Variants in LYRM4 observed in about 807,000 individuals in gnomAD.
LYRM4 encodes LYR motif containing 4.
In LYRM4, 9 loss-of-function variants were observed where a neutral mutation model predicts 11.7. The ratio of observed to expected loss-of-function variants is 0.77; its 90% CI spans 0.46 to 1.34. LYRM4 has a LOEUF of 1.34. LYRM4 is among the 40% of genes most tolerant of loss of function. LYRM4 has a pLI of 0.00. For synonymous variants in LYRM4, 42 were observed against 40.4 expected (o/e 1.04, Z -0.15); for missense variants, 133 against 112.5 (o/e 1.18, Z -0.82).
rs937729460 is a variant in LYRM4 at position 5,109,189 on chromosome 6, A to T, written c.*234T>A. ...GTGCAGGGGAGACGTGGTAACACACAGCACTATTCTGAACGAACTCCAGCT... is the reference window on the plus strand; with the variant it reads ...GTGCAGGGGAGACGTGGTAACACACTGCACTATTCTGAACGAACTCCAGCT... On this transcript the variant is annotated 3_prime_UTR_variant, in exon 3 of 3. Coordinates refer to ENST00000330636, the MANE Select transcript of LYRM4 (RefSeq NM_020408.6). 1.4e-6 allele frequency: 2 copies of T among 1,383,302 alleles called. No individual in the cohort carries two copies. The highest frequency in any genetic ancestry group is 1.9e-6 in the Non-Finnish European group (2 of 1,067,100). 85.7% of individuals were successfully genotyped at this position (1,383,302 alleles called of 1,614,324 possible). A position where few individuals can be genotyped will look rare whatever the true frequency, so the allele number is the denominator to read the frequency against.
chr6:5,144,030 A>G, intron 2 of LYRM4: 1 of 1,318,428 alleles, frequency 7.6e-7, no homozygotes, highest in Non-Finnish European at 1.0e-6. Context: ...AGCCCCTGAC[A>G]TCAAATTGCT....
chr6:5,230,218 C>G (rs572368224), intron 1 of LYRM4, among the ~76,000 whole-genome samples: 1 of 152,314 alleles, frequency 6.6e-6, no homozygotes, highest in South Asian at 2.1e-4. Flanking sequence ...ACAGTTCCCT[C>G]TTGACATGCT....
chr6:5,148,232 T>C (rs1393079224), intron 2 of LYRM4: 2 of 152,870 alleles, frequency 1.3e-5, no homozygotes, highest in African/African-American at 4.8e-5. Flanking sequence ...TCCCAGACCG[T>C]TTGAGGCACT....
downstream of LYRM4, chr6:5,102,599 T>G (rs777075240): frequency 2.0e-5 from 3 of 152,248 alleles, no homozygotes; most frequent in Non-Finnish European, 4.4e-5. Context: ...ACCATTGGAC[T>G]AAGAAAGCTT....
chr6:5,117,829 G>A (rs1489201779), intron 2 of LYRM4, among the ~76,000 whole-genome samples: 2 of 151,980 alleles, frequency 1.3e-5, no homozygotes, highest in Non-Finnish European at 2.9e-5. Flanking sequence ...GATCTCGCCT[G>A]TGAATAAATA....
chr6:5,059,505 G>T, the LYRM4 span, among the ~76,000 whole-genome samples: 1 of 152,006 alleles, frequency 6.6e-6, no homozygotes, highest in Non-Finnish European at 1.5e-5. Context: ...ACAGCTACTC[G>T]ACTCCCTTCC....
At chr6:5,177,566 G>T (rs544859727) in intron 2 of LYRM4, among the ~76,000 whole-genome samples, 5 of 152,304 alleles carry the variant, frequency 3.3e-5, no homozygotes, top group African/African-American at 1.2e-4. Flanking sequence ...GTTAGGACAT[G>T]CTGTTTCTGT....
intron 2 of LYRM4, among the ~76,000 whole-genome samples, chr6:5,211,017 T>C (rs909259290): frequency 6.6e-6 from 1 of 152,184 alleles, no homozygotes; most frequent in Non-Finnish European, 1.5e-5. Flanking sequence ...CTTCCCTTTA[T>C]TCCACTAAAA....
intron 2 of LYRM4, among the ~76,000 whole-genome samples, chr6:5,116,012 C>T (rs1379599253): frequency 6.6e-6 from 1 of 152,108 alleles, no homozygotes; most frequent in Non-Finnish European, 1.5e-5. Context: ...TAGGTGCCTT[C>T]AAAGCACAGT....
At chr6:5,086,553 C>A in the LYRM4 span, 1 of 1,523,128 alleles carries the variant, frequency 6.6e-7, no homozygotes, top group Non-Finnish European at 8.8e-7. Context: ...GCCCTGCGGA[C>A]GCGCTCTGAG....
the LYRM4 span, among the ~76,000 whole-genome samples, chr6:5,052,687 A>G: frequency 1.3e-5 from 2 of 152,226 alleles, no homozygotes; most frequent in Non-Finnish European, 2.9e-5. Context: ...GCGAATGTAC[A>G]TAATGCCACT....
At chr6:5,158,960 T>A (rs1237926464) in intron 2 of LYRM4, among the ~76,000 whole-genome samples, 1 of 136,906 alleles carries the variant, frequency 7.3e-6, no homozygotes, top group Non-Finnish European at 1.7e-5. Flanking sequence ...GAAGGCAACC[T>A]TGGCCTCCTC....
chr6:5,172,733 A>G (rs553479266), intron 2 of LYRM4, among the ~76,000 whole-genome samples: 1 of 152,340 alleles, frequency 6.6e-6, no homozygotes, highest in South Asian at 2.1e-4. Context: ...TGATGTTTGC[A>G]TTAATTCTAA....
chr6:5,173,645 T>C (rs1759552194), intron 2 of LYRM4, among the ~76,000 whole-genome samples: 1 of 152,244 alleles, frequency 6.6e-6, no homozygotes, highest in Non-Finnish European at 1.5e-5. Context: ...GTGATCAATA[T>C]TTCATATTTT....
intron 2 of LYRM4, among the ~76,000 whole-genome samples, chr6:5,175,590 A>AG (rs1486695636): frequency 6.6e-6 from 1 of 152,096 alleles, no homozygotes; most frequent in African/African-American, 2.4e-5. Flanking sequence ...TACTAAGGAG[A>AG]GGGGGCCTGT....
At chr6:5,192,062 TA>T (rs1760786956) in intron 2 of LYRM4, among the ~76,000 whole-genome samples, 1 of 152,108 alleles carries the variant, frequency 6.6e-6, no homozygotes, top group East Asian at 1.9e-4. Context: ...GATTCTGGAT[TA>T]AAAAAGTTAT....
intron 2 of LYRM4, among the ~76,000 whole-genome samples, chr6:5,159,114 C>T (rs1166221227): frequency 1.3e-5 from 2 of 152,304 alleles, no homozygotes; most frequent in East Asian, 3.9e-4. Flanking sequence ...GAAAGCTGGG[C>T]TGGAGGGGGC....
intron 2 of LYRM4, among the ~76,000 whole-genome samples, chr6:5,144,961 G>C (rs1172932150): frequency 6.6e-6 from 1 of 152,194 alleles, no homozygotes; most frequent in East Asian, 1.9e-4. Context: ...TGAGCCCAAA[G>C]TGAGAGTCAG....
chr6:5,233,157 C>T (rs1763339604), intron 1 of LYRM4, among the ~76,000 whole-genome samples: 4 of 152,172 alleles, frequency 2.6e-5, no homozygotes, highest in Admixed American at 2.6e-4. Context: ...CCTCCCATTT[C>T]CTGAGAGAGG....
Sources: gnomAD v4.1 joint callset for allele counts (sites outside exome capture counted in the v4.1 genomes callset) on GRCh38, gnomAD v4.1.1 for gene constraint, MANE v1.5 for transcripts, NCBI Gene and HGNC (gene_info 2026-07-23, HGNC 2026-07-21) for gene names.